The following THSD7A variants were observed in gnomAD, a reference collection of about 807,000 sequenced individuals.
The protein encoded by THSD7A is thrombospondin type 1 domain containing 7A.
In THSD7A, 96 loss-of-function variants were observed where a neutral mutation model predicts 231.3. The observed-to-expected ratio is 0.41, with a 90% confidence interval of 0.35 to 0.49. THSD7A has a LOEUF of 0.49. THSD7A is among the 20% of genes least tolerant of loss of function. THSD7A has a pLI of 0.05. For synonymous variants in THSD7A, 940 were observed against 743.3 expected (o/e 1.26, Z -4.30); for missense variants, 2,290 against 2,070.2 (o/e 1.11, Z -2.06).
chr7:11,826,242 T>A (rs1343529133), intron 1 of THSD7A, among the ~76,000 whole-genome samples: 1 of 152,180 alleles, frequency 6.6e-6, no homozygotes, highest in Non-Finnish European at 1.5e-5. Context: ...AGAAAATGCA[T>A]ACCTGTAAAT....
intron 6 of THSD7A, among the ~76,000 whole-genome samples, chr7:11,517,881 T>G (rs1402117059): frequency 6.6e-6 from 1 of 152,204 alleles, no homozygotes; most frequent in East Asian, 1.9e-4. Context: ...TATTCAAATT[T>G]ACAAATCTTT....
chr7:11,437,312 C>T (rs1471557979), intron 13 of THSD7A, among the ~76,000 whole-genome samples: 2 of 152,112 alleles, frequency 1.3e-5, no homozygotes, highest in South Asian at 2.1e-4. Context: ...TCTGTGCTCC[C>T]TCAGGGAGCC....
At position 11,521,474 on chromosome 7, in the gene THSD7A, T is replaced by A. The variant is rs1412310618; in HGVS notation, c.1822+19945A>T. Among the ~76,000 whole-genome samples the A allele has an allele frequency of 2.8e-5, 4 of 142,728 alleles. 1 individual carries two copies. The highest frequency in any genetic ancestry group is 4.5e-5 in the Non-Finnish European group (3 of 66,202). 93.6% of individuals were successfully genotyped at this position (142,728 alleles called of 152,430 possible). A position where few individuals can be genotyped will look rare whatever the true frequency, so the allele number is the denominator to read the frequency against. ...AGGGCCACATTCTTTTTTATTTTTT[T>A]ATTTTATTTATTTATTTATTTATTT... is the stretch of plus-strand genomic sequence containing the variant. On this transcript the variant is annotated intron_variant, in intron 6 of 27. Transcript: ENST00000423059.
chr7:11,483,854 G>A (rs1786534171), intron 6 of THSD7A, among the ~76,000 whole-genome samples: 1 of 152,046 alleles, frequency 6.6e-6, no homozygotes, highest in Non-Finnish European at 1.5e-5. Flanking sequence ...TTTCTATTCA[G>A]AAAAATATTT....
chr7:11,383,657 T>G (rs1397317911), intron 23 of THSD7A: 1 of 151,830 alleles, frequency 6.6e-6, no homozygotes, highest in African/African-American at 2.4e-5. Flanking sequence ...GAAAGTTATC[T>G]TGTCATTTTA....
intron 6 of THSD7A, among the ~76,000 whole-genome samples, chr7:11,534,726 G>T (rs1562693689): frequency 6.6e-6 from 1 of 152,096 alleles, no homozygotes; most frequent in Non-Finnish European, 1.5e-5. Context: ...TTACAGAGAA[G>T]GTGGATATAA....
chr7:11,392,291 G>C (rs1383080597), intron 23 of THSD7A, among the ~76,000 whole-genome samples: 5 of 151,976 alleles, frequency 3.3e-5, no homozygotes, highest in African/African-American at 1.2e-4. Context: ...AAGTGCGAGG[G>C]GTTGGGGAAC....
chr7:11,709,733 G>C (rs544719454), intron 1 of THSD7A, among the ~76,000 whole-genome samples: 21 of 150,922 alleles, frequency 1.4e-4, no homozygotes, highest in Admixed American at 8.6e-4. Context: ...TTTATCAACA[G>C]AAAAATAAAT....
At chr7:11,519,327 C>A (rs985794371) in intron 6 of THSD7A, among the ~76,000 whole-genome samples, 3 of 152,148 alleles carry the variant, frequency 2.0e-5, no homozygotes, top group African/African-American at 7.2e-5. Context: ...TGACTTTTAA[C>A]TCAGTTGTTT....
At chr7:11,673,970 T>A (rs1251450708) in intron 1 of THSD7A, among the ~76,000 whole-genome samples, 1 of 152,014 alleles carries the variant, frequency 6.6e-6, no homozygotes, top group African/African-American at 2.4e-5. Context: ...GCCACTGCCC[T>A]GTCCAGGGAT....
At chr7:11,742,334 T>C (rs1782141611) in intron 1 of THSD7A, among the ~76,000 whole-genome samples, 1 of 152,068 alleles carries the variant, frequency 6.6e-6, no homozygotes, top group Non-Finnish European at 1.5e-5. Context: ...CTTTCAAGTA[T>C]TCAATTAGTA....
At chr7:11,615,637 A>G (rs569311638) in intron 2 of THSD7A, among the ~76,000 whole-genome samples, 1 of 152,274 alleles carries the variant, frequency 6.6e-6, no homozygotes, top group South Asian at 2.1e-4. Flanking sequence ...CTCATTTTAT[A>G]TTATTTATAA....
chr7:11,475,720 G>C (rs1174421477), intron 7 of THSD7A, among the ~76,000 whole-genome samples: 1 of 150,106 alleles, frequency 6.7e-6, no homozygotes, highest in Non-Finnish European at 1.5e-5. Flanking sequence ...AAATCATTTA[G>C]CTGTAAAAAT....
At chr7:11,801,672 A>G (rs368668485) in intron 1 of THSD7A, among the ~76,000 whole-genome samples, 2 of 152,192 alleles carry the variant, frequency 1.3e-5, no homozygotes, top group African/African-American at 2.4e-5. Flanking sequence ...TGGAAAAAAA[A>G]GAATACATTT....
intron 6 of THSD7A, among the ~76,000 whole-genome samples, chr7:11,535,607 A>T (rs1788882187): frequency 6.6e-6 from 1 of 151,834 alleles, no homozygotes; most frequent in African/African-American, 2.4e-5. Flanking sequence ...TTTCAAACAC[A>T]TTAGAAGACA....
intron 2 of THSD7A, among the ~76,000 whole-genome samples, chr7:11,623,530 T>G (rs1196326182): frequency 1.3e-5 from 2 of 152,034 alleles, no homozygotes; most frequent in South Asian, 2.1e-4. Context: ...TCATCTATTA[T>G]AAAAGAAAAG....
At chr7:11,549,174 A>G (rs2128325458) in intron 4 of THSD7A, among the ~76,000 whole-genome samples, 1 of 152,350 alleles carries the variant, frequency 6.6e-6, no homozygotes, top group Non-Finnish European at 1.5e-5. Flanking sequence ...GAGAAACGCA[A>G]ATTAAAACCA....
chr7:11,747,277 T>C (rs1349975101), intron 1 of THSD7A, among the ~76,000 whole-genome samples: 6 of 152,114 alleles, frequency 3.9e-5, no homozygotes, highest in Non-Finnish European at 8.8e-5. Flanking sequence ...CCTTCAAAGA[T>C]GCCCTGTGAA....
intron 1 of THSD7A, among the ~76,000 whole-genome samples, chr7:11,793,623 T>C (rs1381046870): frequency 6.6e-6 from 1 of 151,664 alleles, no homozygotes; most frequent in Non-Finnish European, 1.5e-5. Context: ...ACAAGAATAA[T>C]TATAAAGGGA....
Sources: allele counts gnomAD v4.1 joint callset (sites outside exome capture counted in the v4.1 genomes callset), GRCh38; gene constraint gnomAD v4.1.1; transcripts MANE v1.5; gene names NCBI Gene and HGNC (gene_info 2026-07-23, HGNC 2026-07-21).